The following HDLBP variants were observed in gnomAD, a reference collection of about 807,000 sequenced individuals.
HDLBP encodes high density lipoprotein binding protein.
In HDLBP, 30 loss-of-function variants were observed where a neutral mutation model predicts 137.3. The observed-to-expected ratio is 0.22, with a 90% CI of 0.16 to 0.30. HDLBP has a LOEUF of 0.30. HDLBP is among the 10% of genes least tolerant of loss of function. HDLBP has a pLI of 1.00. For synonymous variants in HDLBP, 606 were observed against 596.0 expected (o/e 1.02, Z -0.24); for missense variants, 1,119 against 1,667.3 (o/e 0.67, Z 5.73).
chr2:241,255,578 T>C lies in HDLBP; in HGVS notation c.876A>G (p.Lys292=). The part of the protein sequence containing the change: ...ARIKKIYEEK[K]KKTTTIAVEV... ...CCACTGCAATGGTTGTAGTCTTCTTTTTCTAAATAAGAGCACCATAAGGGG... is the reference window on the plus strand; with the variant it reads ...CCACTGCAATGGTTGTAGTCTTCTTCTTCTAAATAAGAGCACCATAAGGGG... The change falls in exon 8 of 28, where the codon AAA becomes AAG. Residue 292 remains lysine, a splice_region_variant and synonymous_variant. Coordinates refer to ENST00000310931, the MANE Select transcript of HDLBP (RefSeq NM_005336.6). 1 of 1,613,060 alleles carries C rather than the reference T, an allele frequency of 6.2e-7. No individual in the cohort carries two copies. The highest frequency in any genetic ancestry group is 1.1e-5 in the South Asian group (1 of 91,068).
intron 12 of HDLBP, 131 bp downstream of exon 12, chr2:241,249,710 C>A: frequency 1.2e-6 from 1 of 853,220 alleles, no homozygotes; most frequent in South Asian, 1.8e-5. Context: ...GAGTCCAATC[C>A]GGTTCCAGTG....
chr2:241,296,729 G>A (rs1559551929), intron 1 of HDLBP, among the ~76,000 whole-genome samples: 1 of 152,074 alleles, frequency 6.6e-6, no homozygotes. Context: ...AATGGTGAGG[G>A]GGAAAAAAGA....
chr2:241,232,275 C>CT (rs146304027), intron 24 of HDLBP, among the ~76,000 whole-genome samples: 30,383 of 143,448 alleles, frequency 0.21, 3,727 homozygotes, highest in East Asian at 0.64. Flanking sequence ...TAAACAATGA[C>CT]TTTTTTTTTT....
In HDLBP at chr2:241,229,507, A is replaced by T; in HGVS notation, c.*94T>A. The T allele has an allele frequency of 1.1e-6, 1 of 901,300 alleles. No homozygotes were observed. Among genetic ancestry groups the T allele is most frequent in the Non-Finnish European group, 1.7e-6 (1 of 572,900 alleles). 55.8% of individuals were successfully genotyped at this position (901,300 alleles called of 1,614,324 possible). A position where few individuals can be genotyped will look rare whatever the true frequency, so the allele number is the denominator to read the frequency against. Reference sequence around the variant, plus strand: ...GAAGGGGGAAGAGCGTCAACAATTTACGGAGGGTCCAGCCGCTGGGTCAGA... The same window carrying T: ...GAAGGGGGAAGAGCGTCAACAATTTTCGGAGGGTCCAGCCGCTGGGTCAGA... On this transcript the variant is annotated 3_prime_UTR_variant, in exon 28 of 28. Transcript: ENST00000310931.
chr2:241,237,832 G>T (rs987613713), intron 20 of HDLBP, among the ~76,000 whole-genome samples: 1 of 152,228 alleles, frequency 6.6e-6, no homozygotes, highest in African/African-American at 2.4e-5. Flanking sequence ...AATAACCACT[G>T]AAGTGTAAAA....
chr2:241,274,091 A>T (rs1016236187), intron 1 of HDLBP, among the ~76,000 whole-genome samples: 7 of 152,172 alleles, frequency 4.6e-5, no homozygotes, highest in African/African-American at 1.7e-4. Context: ...AGTGACTGGG[A>T]AGAGCTGCCC....
chr2:241,272,620 C>A lies in HDLBP; in HGVS notation c.-102-4079G>T. 1 of 981,106 alleles carries A rather than the reference C, an allele frequency of 1.0e-6. No individual in the cohort carries two copies. The highest frequency in any genetic ancestry group is 1.2e-6 in the Non-Finnish European group (1 of 827,260). 60.8% of individuals were successfully genotyped at this position (981,106 alleles called of 1,614,324 possible). ...GCGGGCGGGGGCCGCAGCCTGGGGC[C>A]CGGGTGGGGGCCGCGGCACCCGGGC... is the stretch of plus-strand genomic sequence containing the variant. On this transcript the variant is annotated intron_variant, in intron 1 of 27. Coordinates refer to ENST00000310931, the MANE Select transcript of HDLBP (RefSeq NM_005336.6). This position sits in a 1 kb window ranked among gnomAD's most constrained non-coding sequence, Gnocchi z 5.6.
intron 1 of HDLBP, among the ~76,000 whole-genome samples, chr2:241,270,505 G>A (rs1390092392): frequency 1.3e-5 from 2 of 152,202 alleles, no homozygotes; most frequent in East Asian, 1.9e-4. Context: ...CGAAGACTGC[G>A]TTTTAAGCAA....
chr2:241,236,567 G>A lies in HDLBP; in HGVS notation c.2904+48C>T, dbSNP rs375790912. The A allele has an allele frequency of 4.3e-5, 68 of 1,598,880 alleles. No individual in the cohort carries two copies. The African/African-American group carries it at 7.6e-4, about 18-fold the overall frequency. On this transcript the variant is annotated intron_variant, in intron 21 of 27. Coordinates refer to ENST00000310931, the MANE Select transcript of HDLBP (RefSeq NM_005336.6). ...AGGCCACGCGTCTCCCCAGGTGCCT[G>A]CTGACTGGGCCTTGGCGGGGGGTGG...
At position 241,228,815 on chromosome 2, in the gene HDLBP, C is replaced by T. The variant is rs958735729; in HGVS notation, c.*786G>A. ...CCCCCACTGAGGACAAGCGTAAGGC[C>T]CTACCTCCCCCAACCTGTGCGCATC... On this transcript the variant is annotated 3_prime_UTR_variant, in exon 28 of 28. Coordinates refer to ENST00000310931, the MANE Select transcript of HDLBP (RefSeq NM_005336.6). 2.0e-5 allele frequency: 3 copies of T among 152,788 alleles called. No homozygotes were observed. The highest frequency in any genetic ancestry group is 2.1e-4 in the South Asian group (1 of 4,848). 9.5% of individuals were successfully genotyped at this position (152,788 alleles called of 1,614,324 possible).
Position 241,230,531 on chromosome 2 carries a change from A to G in HDLBP, c.3474+228T>C, listed in dbSNP as rs2069615480. On this transcript the variant is annotated intron_variant, in intron 25 of 27. Coordinates refer to ENST00000310931, the MANE Select transcript of HDLBP (RefSeq NM_005336.6). This position sits in a 1 kb window ranked among gnomAD's most constrained non-coding sequence, Gnocchi z 5.0. ...CCCACCCACAGAGGACGAGCTCGCC[A>G]GGCAGCTGTCAAGGAGATGCCCTCC... is the stretch of plus-strand genomic sequence containing the variant. Among the ~76,000 whole-genome samples, 1 of 152,218 alleles carries G rather than the reference A, an allele frequency of 6.6e-6. No homozygotes were observed. The highest frequency in any genetic ancestry group is 2.4e-5 in the African/African-American group (1 of 41,454).
chr2:241,253,358 C>T (rs1427824071), intron 10 of HDLBP, 35 bp downstream of exon 10: 1 of 1,414,812 alleles, frequency 7.1e-7, no homozygotes, highest in Non-Finnish European at 1.0e-6. Context: ...CCTCCCTTGT[C>T]ACCAGCACAC....
intron 1 of HDLBP, among the ~76,000 whole-genome samples, chr2:241,298,045 CAAAAAAAAAAAAAAAA>C (rs71049568): frequency 9.4e-4 from 22 of 23,360 alleles, no homozygotes; most frequent in African/African-American, 2.1e-3. Flanking sequence ...GACCCTGTCT[CAAAAAAAAAAAAAAAA>C]AAAAAAAAAA....
At chr2:241,255,254 C>A in intron 8 of HDLBP, 96 bp from the exon 9 acceptor site, 1 of 1,431,774 alleles carries the variant, frequency 7.0e-7, no homozygotes, top group Non-Finnish European at 9.8e-7. Context: ...GGCACGCTCT[C>A]CCCAAACCTG....
intron 1 of HDLBP, among the ~76,000 whole-genome samples, chr2:241,282,706 G>A (rs2074651028): frequency 1.3e-5 from 2 of 152,112 alleles, no homozygotes; most frequent in African/African-American, 4.8e-5. Context: ...TGTTACTACT[G>A]TAATTGTTTT....
Position 241,236,758 on chromosome 2 carries a change from C to G in HDLBP, c.2761G>C (p.Glu921Gln), listed in dbSNP as rs770822941. The change falls in exon 21 of 28, where the codon GAG becomes CAG. Residue 921 changes from glutamate to glutamine, a missense_variant. Glu to Gln is a conservative substitution (Grantham distance 29). This residue lies in a region of HDLBP where 618 missense variants were observed against 816.7 expected (regional missense o/e 0.76). Coordinates refer to ENST00000310931, the MANE Select transcript of HDLBP (RefSeq NM_005336.6). ...DREENAVHSTEPVVQENGDEA... is the reference protein window; with the variant it reads ...DREENAVHSTQPVVQENGDEA... ...TCCCCATTCTCCTGGACAACTGGCT[C>G]TGTACTGTGAACTAGAGAGAAAGGG... The G allele has an allele frequency of 1.2e-6, 2 of 1,614,052 alleles. No homozygotes were observed. Among genetic ancestry groups the G allele is most frequent in the Non-Finnish European group, 8.5e-7 (1 of 1,180,024 alleles).
At chr2:241,259,327 A>AC (rs2072972072) in intron 5 of HDLBP, among the ~76,000 whole-genome samples, 1 of 152,230 alleles carries the variant, frequency 6.6e-6, no homozygotes, top group Admixed American at 6.5e-5. Flanking sequence ...GGGTGAAGGT[A>AC]ACAGGCAGGG....
chr2:241,267,690 AGGT>A, intron 2 of HDLBP: 1 of 1,535,510 alleles, frequency 6.5e-7, no homozygotes, highest in East Asian at 2.4e-5. Context: ...CGACTTAACC[AGGT>A]GGTTATAAGT....
At chr2:241,264,849 T>C (rs960321370) in intron 3 of HDLBP, among the ~76,000 whole-genome samples, 20 of 152,068 alleles carry the variant, frequency 1.3e-4, no homozygotes, top group African/African-American at 4.8e-4. Context: ...ACAGCGAACC[T>C]ACCCCCATCC....
Sources: allele counts gnomAD v4.1 joint callset (sites outside exome capture counted in the v4.1 genomes callset), GRCh38; gene constraint gnomAD v4.1.1; regional missense constraint gnomAD v4.1.1; non-coding constraint Gnocchi (gnomAD v3.1); transcripts MANE v1.5; gene names NCBI Gene and HGNC (gene_info 2026-07-23, HGNC 2026-07-21).